Variants in SHISA9 observed in about 807,000 individuals in gnomAD.
The protein encoded by SHISA9 is protein shisa-9.
In SHISA9, 13 loss-of-function variants were observed where a neutral mutation model predicts 38.0. The ratio of observed to expected loss-of-function variants is 0.34; its 90% CI spans 0.22 to 0.54. The LOEUF is 0.54. Ranked by LOEUF, SHISA9 falls within the 20% of genes least tolerant of loss-of-function variation. The pLI is 0.91. For synonymous variants in SHISA9, 275 were observed against 242.0 expected (o/e 1.14, Z -1.27); for missense variants, 538 against 575.8 (o/e 0.93, Z 0.67).
At chr16:13,162,179 G>C (rs1051590884) in intron 2 of SHISA9, among the ~76,000 whole-genome samples, 10 of 152,158 alleles carry the variant, frequency 6.6e-5, no homozygotes, top group African/African-American at 1.4e-4. Flanking sequence ...GTATTCAGAG[G>C]GGGTGGGAGA....
At chr16:13,145,542 CA>C (rs950322697) in intron 2 of SHISA9, among the ~76,000 whole-genome samples, 2 of 151,950 alleles carry the variant, frequency 1.3e-5, no homozygotes, top group Non-Finnish European at 2.9e-5. Context: ...ACAACAACAA[CA>C]AAAAAAGGTA....
the SHISA9 span, among the ~76,000 whole-genome samples, chr16:13,382,374 A>G: frequency 1.3e-5 from 2 of 151,806 alleles, no homozygotes; most frequent in Non-Finnish European, 2.9e-5. Flanking sequence ...CTAAAAATAC[A>G]AAAAATAGCT....
At chr16:12,964,589 G>C (rs2071954252) in intron 2 of SHISA9, among the ~76,000 whole-genome samples, 1 of 152,134 alleles carries the variant, frequency 6.6e-6, no homozygotes, top group African/African-American at 2.4e-5. Flanking sequence ...AGCCCTGTCT[G>C]AAGTCTGATG....
At chr16:13,493,584 C>G in the SHISA9 span, among the ~76,000 whole-genome samples, 3 of 152,208 alleles carry the variant, frequency 2.0e-5, no homozygotes, top group African/African-American at 7.2e-5. Flanking sequence ...GCCCCAAATA[C>G]TGTGTTTCTT....
At chr16:13,008,538 T>G (rs140003613) in intron 2 of SHISA9, among the ~76,000 whole-genome samples, 2,073 of 152,194 alleles carry the variant, frequency 0.014, 16 homozygotes, top group Non-Finnish European at 0.023. Context: ...CATGCTGTCC[T>G]CATGATAGTG....
the SHISA9 span, among the ~76,000 whole-genome samples, chr16:13,303,384 T>C: frequency 1.3e-5 from 2 of 152,212 alleles, no homozygotes; most frequent in Admixed American, 1.3e-4. Flanking sequence ...TAAAATATTA[T>C]TGAAATATTG....
the SHISA9 span, among the ~76,000 whole-genome samples, chr16:13,472,876 G>A: frequency 4.0e-5 from 6 of 151,730 alleles, no homozygotes; most frequent in East Asian, 7.7e-4. Context: ...TATTTCCCAC[G>A]TATTTATTCA....
chr16:13,414,645 TCTTTC>T, the SHISA9 span, among the ~76,000 whole-genome samples: 2 of 88,572 alleles, frequency 2.3e-5, no homozygotes, highest in African/African-American at 4.2e-5. Flanking sequence ...CTTCTTTCTT[TCTTTC>T]TTTTTTTTTT....
At chr16:12,938,157 T>G (rs2071558263) in intron 2 of SHISA9, among the ~76,000 whole-genome samples, 1 of 152,174 alleles carries the variant, frequency 6.6e-6, no homozygotes, top group South Asian at 2.1e-4. Flanking sequence ...GGTTAGGTGT[T>G]GGGGTCCATC....
the SHISA9 span, among the ~76,000 whole-genome samples, chr16:13,397,747 C>A: frequency 6.6e-6 from 1 of 151,908 alleles, no homozygotes; most frequent in Admixed American, 6.6e-5. Flanking sequence ...GTGTGCTCTT[C>A]TAGTTTAGCC....
At chr16:13,006,042 A>G (rs1222790244) in intron 2 of SHISA9, among the ~76,000 whole-genome samples, 1 of 152,202 alleles carries the variant, frequency 6.6e-6, no homozygotes, top group African/African-American at 2.4e-5. Flanking sequence ...TGGGCTACAG[A>G]TGGGCAGTGA....
the SHISA9 span, among the ~76,000 whole-genome samples, chr16:13,334,930 G>T: frequency 1.3e-5 from 2 of 152,156 alleles, no homozygotes; most frequent in East Asian, 1.9e-4. Context: ...CTGGAGCAGG[G>T]CACACCACTT....
intron 1 of SHISA9, chr16:12,909,512 A>G (rs2071151674): frequency 1.0e-6 from 1 of 985,394 alleles, no homozygotes; most frequent in African/African-American, 1.7e-5. Context: ...TATATTTGTC[A>G]TTGTAATTGG....
At chr16:13,059,005 G>C (rs531172849) in intron 2 of SHISA9, among the ~76,000 whole-genome samples, 3 of 151,728 alleles carry the variant, frequency 2.0e-5, no homozygotes, top group Non-Finnish European at 2.9e-5. Context: ...GACATTCTTA[G>C]AATAATTAGG....
At chr16:12,952,545 A>C (rs1366479122) in intron 2 of SHISA9, among the ~76,000 whole-genome samples, 4 of 152,218 alleles carry the variant, frequency 2.6e-5, no homozygotes, top group Non-Finnish European at 5.9e-5. Flanking sequence ...GTTGAATTGT[A>C]ATCCGAACTG....
At chr16:13,509,106 G>A in the SHISA9 span, among the ~76,000 whole-genome samples, 2 of 152,120 alleles carry the variant, frequency 1.3e-5, no homozygotes, top group Non-Finnish European at 2.9e-5. Context: ...GCTGTGGCAG[G>A]AGGGTAATCA....
chr16:13,408,742 G>C, the SHISA9 span, among the ~76,000 whole-genome samples: 3,470 of 152,174 alleles, frequency 0.023, 137 homozygotes, highest in African/African-American at 0.079. Context: ...TCCTCTGTAC[G>C]TACATTTCTA....
chr16:13,137,816 A>G (rs1247697468), intron 2 of SHISA9, among the ~76,000 whole-genome samples: 1 of 152,128 alleles, frequency 6.6e-6, no homozygotes, highest in African/African-American at 2.4e-5. Flanking sequence ...GCTGCATCTA[A>G]CTATTCCTGG....
chr16:13,075,953 G>A (rs538147193), intron 2 of SHISA9, among the ~76,000 whole-genome samples: 4 of 152,154 alleles, frequency 2.6e-5, no homozygotes, highest in East Asian at 1.9e-4. Flanking sequence ...ACCCCAGCTC[G>A]GTTGTGACAA....
Sources: gnomAD v4.1 joint callset for allele counts (sites outside exome capture counted in the v4.1 genomes callset) on GRCh38, gnomAD v4.1.1 for gene constraint, MANE v1.5 for transcripts, NCBI Gene and HGNC (gene_info 2026-07-23, HGNC 2026-07-21) for gene names.